Variants in PCMTD1 observed in about 807,000 individuals in gnomAD.
PCMTD1 encodes protein-L-isoaspartate O-methyltransferase domain-containing protein 1.
A neutral mutation model predicts 37.6 loss-of-function variants in PCMTD1; 12 were observed. The ratio of observed to expected loss-of-function variants is 0.32; its 90% confidence interval spans 0.20 to 0.52. The LOEUF is 0.52. PCMTD1 is among the 20% of genes least tolerant of loss of function. The probability of loss-of-function intolerance (pLI) is 0.97; values close to 1 mark genes in which losing one functional copy is unlikely to be tolerated. For missense variants in PCMTD1, 235 were observed against 421.3 expected, an observed-to-expected ratio of 0.56 and a Z score of 3.87; for synonymous variants, 117 against 135.8, an observed-to-expected ratio of 0.86 and a Z score of 0.96.
At chr8:51,882,514 G>A (rs2038805523) in intron 1 of PCMTD1, among the ~76,000 whole-genome samples, 1 of 152,050 alleles carries the variant, frequency 6.6e-6, no homozygotes, top group Non-Finnish European at 1.5e-5. Flanking sequence ...TGATTATCCT[G>A]TTTCCCACCC....
At chr8:51,840,466 A>T (rs1477338097) in intron 3 of PCMTD1, among the ~76,000 whole-genome samples, 1 of 152,136 alleles carries the variant, frequency 6.6e-6, no homozygotes, top group Non-Finnish European at 1.5e-5. Flanking sequence ...TTTAAAGTAT[A>T]TTTACAATCT....
chr8:51,827,104 CA>C, intron 5 of PCMTD1: 2 of 1,003,138 alleles, frequency 2.0e-6, no homozygotes, highest in African/African-American at 3.5e-5. Flanking sequence ...CTTACTTCTA[CA>C]CACCCACAAA....
At chr8:51,895,473 A>T (rs1452928104) in intron 1 of PCMTD1, among the ~76,000 whole-genome samples, 1 of 152,224 alleles carries the variant, frequency 6.6e-6, no homozygotes, top group Non-Finnish European at 1.5e-5. Context: ...AAGCTCTAGA[A>T]ATCATACCTG....
At chr8:51,849,994 C>T in intron 2 of PCMTD1, 3 of 693,102 alleles carry the variant, frequency 4.3e-6, no homozygotes, top group Admixed American at 2.1e-5. Context: ...CAGAACATAG[C>T]CACAGGCAAA....
At chr8:51,898,155 G>A (rs1348143862) in intron 1 of PCMTD1, among the ~76,000 whole-genome samples, 1 of 123,922 alleles carries the variant, frequency 8.1e-6, no homozygotes, top group East Asian at 2.3e-4. Flanking sequence ...TTCCTCCGTA[G>A]CAAATTCTTC....
intron 1 of PCMTD1, among the ~76,000 whole-genome samples, chr8:51,883,916 T>C (rs1035128531): frequency 1.2e-4 from 19 of 152,334 alleles, no homozygotes; most frequent in African/African-American, 4.6e-4. Context: ...ATAGGCACTT[T>C]GATATTTGTG....
intron 3 of PCMTD1, among the ~76,000 whole-genome samples, chr8:51,834,055 C>T (rs949251790): frequency 2.6e-5 from 4 of 152,104 alleles, no homozygotes; most frequent in African/African-American, 7.2e-5. Context: ...AAAGGCTTCA[C>T]TTTGCATTGT....
At chr8:51,830,467 T>C (rs1260448125) in intron 5 of PCMTD1, among the ~76,000 whole-genome samples, 5 of 152,206 alleles carry the variant, frequency 3.3e-5, no homozygotes, top group Non-Finnish European at 7.4e-5. Context: ...AGCACTCAGC[T>C]AGCCTCAAGG....
intron 2 of PCMTD1, among the ~76,000 whole-genome samples, chr8:51,858,559 C>G (rs925662659): frequency 1.3e-5 from 2 of 152,096 alleles, no homozygotes; most frequent in African/African-American, 2.4e-5. Flanking sequence ...AAAACACACA[C>G]AAAACACAAA....
intron 1 of PCMTD1, among the ~76,000 whole-genome samples, chr8:51,882,784 T>C (rs1465960829): frequency 1.4e-5 from 2 of 144,460 alleles, no homozygotes; most frequent in African/African-American, 5.0e-5. Flanking sequence ...CGCAAGTCTT[T>C]AAAAGCTTAC....
At chr8:51,844,620 G>A (rs2038192452) in intron 3 of PCMTD1, among the ~76,000 whole-genome samples, 1 of 152,102 alleles carries the variant, frequency 6.6e-6, no homozygotes, top group South Asian at 2.1e-4. Flanking sequence ...CAAGAGGAAG[G>A]GGAGGAAGGC....
At chr8:51,855,785 G>T (rs770575899) in intron 2 of PCMTD1, among the ~76,000 whole-genome samples, 1 of 151,656 alleles carries the variant, frequency 6.6e-6, no homozygotes, top group Non-Finnish European at 1.5e-5. Context: ...TCAGCCTCCC[G>T]AGTAGCTGCA....
chr8:51,887,028 C>T (rs115756206), intron 1 of PCMTD1, among the ~76,000 whole-genome samples: 154 of 152,012 alleles, frequency 1.0e-3, no homozygotes, highest in African/African-American at 3.5e-3. Context: ...AAACATGACG[C>T]TGATTCCTTT....
intron 5 of PCMTD1, chr8:51,827,444 T>C (rs1321183377): frequency 4.5e-6 from 2 of 442,454 alleles, no homozygotes; most frequent in Admixed American, 5.3e-5. Context: ...TGTAGTATAA[T>C]TGCATGCTAT....
At chr8:51,848,046 T>C (rs906565400) in intron 2 of PCMTD1, among the ~76,000 whole-genome samples, 16 of 152,168 alleles carry the variant, frequency 1.1e-4, no homozygotes, top group Admixed American at 9.2e-4. Context: ...GTTGCTGCCA[T>C]TGCACTCTGG....
intron 1 of PCMTD1, among the ~76,000 whole-genome samples, chr8:51,898,236 T>C (rs1027963981): frequency 2.0e-5 from 3 of 152,158 alleles, no homozygotes; most frequent in Admixed American, 6.5e-5. Context: ...AACAAAATTA[T>C]AGAAGTTCCA....
chr8:51,848,531 C>T (rs2038257031), intron 2 of PCMTD1, among the ~76,000 whole-genome samples: 1 of 152,158 alleles, frequency 6.6e-6, no homozygotes, highest in Non-Finnish European at 1.5e-5. Flanking sequence ...TTTCAAAGTT[C>T]TAGGCTCTCA....
chr8:51,846,941 A>G (rs2038230214), intron 2 of PCMTD1, among the ~76,000 whole-genome samples: 1 of 152,236 alleles, frequency 6.6e-6, no homozygotes, highest in Non-Finnish European at 1.5e-5. Context: ...AATGTGTTCC[A>G]ATAGGAAAAA....
chr8:51,896,823 CAA>C (rs1447423736), intron 1 of PCMTD1, among the ~76,000 whole-genome samples: 4 of 144,990 alleles, frequency 2.8e-5, no homozygotes, highest in Non-Finnish European at 6.0e-5. Context: ...GGAGGTAAAA[CAA>C]GAGCAGAAAA....
Sources: allele counts gnomAD v4.1 joint callset (sites outside exome capture counted in the v4.1 genomes callset), GRCh38; gene constraint gnomAD v4.1.1; transcripts MANE v1.5; gene names NCBI Gene and HGNC (gene_info 2026-07-23, HGNC 2026-07-21).